Variants in APBB1 observed in about 807,000 individuals in gnomAD.
APBB1 encodes amyloid beta precursor protein binding family B member 1.
APBB1 carries 22 observed loss-of-function variants against 78.4 expected under a neutral mutation model. The observed-to-expected ratio is 0.28, with a 90% CI of 0.20 to 0.40. The LOEUF (loss-of-function observed/expected upper bound fraction) is 0.40. APBB1 is among the 10% of genes least tolerant of loss of function. The pLI is 1.00. For synonymous variants in APBB1, 369 were observed against 372.7 expected, an observed-to-expected ratio of 0.99 and a Z score of 0.12; for missense variants, 749 against 932.4, an observed-to-expected ratio of 0.80 and a Z score of 2.56.
intron 6 of APBB1, 167 bp from the exon 7 acceptor site, chr11:6,402,892 T>A: frequency 1.1e-6 from 1 of 886,952 alleles, no homozygotes; most frequent in Non-Finnish European, 1.7e-6. Context: ...GAGGGAGATG[T>A]CAGATGAGAC....
intron 2 of APBB1, among the ~76,000 whole-genome samples, chr11:6,408,608 G>T (rs1035210200): frequency 6.6e-6 from 1 of 151,496 alleles, no homozygotes; most frequent in Non-Finnish European, 1.5e-5. Flanking sequence ...GGGTTCAAGT[G>T]ATTCTCCTGC....
chr11:6,400,137 G>C (rs1848425722), intron 12 of APBB1, among the ~76,000 whole-genome samples: 1 of 152,088 alleles, frequency 6.6e-6, no homozygotes, highest in African/African-American at 2.4e-5. Context: ...TGTGGCCACT[G>C]TTCTCCCTGT....
Position 6,395,600 on chromosome 11 carries a change from G to T in APBB1, c.2067C>A (p.Val689=), listed in dbSNP as rs2134029851. The T allele has an allele frequency of 6.3e-7, 1 of 1,596,466 alleles. No individual in the cohort carries two copies. The highest frequency in any genetic ancestry group is 2.2e-5 in the East Asian group (1 of 44,582). ...ESVARRVGWT[V]RRGVQSLWGS... is the part of the protein sequence containing the mutation. ...CCCACAGCGACTGAACACCCCTGCG[G>T]ACAGTCCACCCTACACGCCGTGCCA... The change falls in exon 15 of 15, where the codon GTC becomes GTA. Residue 689 remains valine (V), a synonymous_variant. Coordinates refer to ENST00000609360, the MANE Select transcript of APBB1 (RefSeq NM_001164.5). This position sits in a 1 kb window ranked among gnomAD's most constrained non-coding sequence, Gnocchi z 5.2.
At position 6,410,862 on chromosome 11, in the gene APBB1, C is replaced by A. The variant is rs145320037; in HGVS notation, c.486G>T (p.Glu162Asp). Reference sequence around the variant, plus strand: ...CCTCCTCCTCTTCATCATCATCATCCTCCTCCTCCTCCTCGGCCTCCCCGG... The same window carrying A: ...CCTCCTCCTCTTCATCATCATCATCATCCTCCTCCTCCTCGGCCTCCCCGG... ...KAAGEAEEEE[E>D]DDDDEEEEED... Residue 162 changes from glutamate (E) to aspartate (D), a missense_variant, in exon 2 of 15, where the codon GAG (glutamate) becomes GAT (aspartate). Physicochemically the swap from Glu to Asp is conservative, Grantham distance 45. This residue lies in a region of APBB1 where 635 missense variants were observed against 765.0 expected (regional missense o/e 0.83). Transcript: ENST00000609360. The A allele has an allele frequency of 6.0e-6, 9 of 1,509,760 alleles. No homozygotes were observed. Among genetic ancestry groups the A allele is most frequent in the Non-Finnish European group, 8.2e-6 (9 of 1,099,230 alleles). 93.5% of individuals were successfully genotyped at this position (1,509,760 alleles called of 1,614,324 possible). A position where few individuals can be genotyped will look rare whatever the true frequency, so the allele number is the denominator to read the frequency against.
chr11:6,405,532 C>T (rs530570587), intron 2 of APBB1: 14 of 986,118 alleles, frequency 1.4e-5, no homozygotes, highest in African/African-American at 1.7e-5. Flanking sequence ...AAGGGACAGG[C>T]AGTCCCAAGA....
At chr11:6,396,517 A>C in intron 12 of APBB1, 3 of 353,862 alleles carry the variant, frequency 8.5e-6, no homozygotes, top group Non-Finnish European at 1.0e-5. Context: ...ATTTCCCCAA[A>C]TCATGCTCTC....
At chr11:6,413,914 T>C (rs772119073) in intron 1 of APBB1, among the ~76,000 whole-genome samples, 29 of 152,164 alleles carry the variant, frequency 1.9e-4, no homozygotes, top group Middle Eastern at 3.4e-3. Context: ...TCCTGGCCAA[T>C]GAGAAAACTC....
chr11:6,403,737 A>G lies in APBB1; in HGVS notation c.807T>C (p.Tyr269=). ...WMRVQDTSGT[Y]YWHIPTGTTQ... ...TGGTCCCTGTTGGGATGTGCCAGTAATAGGTCCCTGAGGTGTCCTGGACCC... is the reference window on the plus strand; with the variant it reads ...TGGTCCCTGTTGGGATGTGCCAGTAGTAGGTCCCTGAGGTGTCCTGGACCC... Residue 269 remains tyrosine, a synonymous_variant, in exon 3 of 15, where the codon TAT becomes TAC. Coordinates refer to ENST00000609360, the MANE Select transcript of APBB1 (RefSeq NM_001164.5). This position sits in a 1 kb window ranked among gnomAD's most constrained non-coding sequence, Gnocchi z 5.3. 6.2e-7 allele frequency: 1 copy of G among 1,610,168 alleles called. No homozygotes were observed. Among genetic ancestry groups the G allele is most frequent in the East Asian group, 2.2e-5 (1 of 44,748 alleles).
In APBB1 at chr11:6,403,239, G is replaced by T; in HGVS notation, c.1041-31C>A. The T allele has an allele frequency of 6.2e-7, 1 of 1,611,208 alleles. No homozygotes were observed. Among genetic ancestry groups the T allele is most frequent in the Non-Finnish European group, 8.5e-7 (1 of 1,178,540 alleles). Reference sequence around the variant, plus strand: ...GGCAGATGGTAATACTTGGCACAGGGCTCCCATAAATGGAGCTGTCCCAAG... The same window carrying T: ...GGCAGATGGTAATACTTGGCACAGGTCTCCCATAAATGGAGCTGTCCCAAG... On this transcript the variant is annotated intron_variant, in intron 5 of 14. Coordinates refer to ENST00000609360, the MANE Select transcript of APBB1 (RefSeq NM_001164.5). This position sits in a 1 kb window ranked among gnomAD's most constrained non-coding sequence, Gnocchi z 5.3.
In APBB1 at chr11:6,396,158, T is replaced by C. The variant is rs1278537648; in HGVS notation, c.1730A>G (p.Gln577Arg). The C allele has an allele frequency of 1.3e-6, 2 of 1,552,058 alleles. No homozygotes were observed. The highest frequency in any genetic ancestry group is 1.2e-5 in the South Asian group (1 of 84,206). Residue 577 changes from glutamine to arginine, a missense_variant, in exon 13 of 15, where the codon CAA becomes CGA. Physicochemically the swap from Gln to Arg is conservative, Grantham distance 43 (BLOSUM62 1). This residue lies in a region of APBB1 where 635 missense variants were observed against 765.0 expected (regional missense o/e 0.83). Transcript: ENST00000609360. ...ESVLSSSSRE[Q>R]WTPSHVSVAP... is the part of the protein sequence containing the mutation. ...CACACTGACATGACTTGGGGTCCATTGTTCACGGCTGCTGGAGGACAGGAC... is the reference window on the plus strand; with the variant it reads ...CACACTGACATGACTTGGGGTCCATCGTTCACGGCTGCTGGAGGACAGGAC...
At position 6,419,084 on chromosome 11, in the gene APBB1, G is replaced by A. The variant is rs1393362789; in HGVS notation, c.-114C>T. On this transcript the variant is annotated 5_prime_UTR_variant, in exon 1 of 15. Coordinates refer to ENST00000609360, the MANE Select transcript of APBB1 (RefSeq NM_001164.5). ...CCATCACAACATCCCCCGCCCAGGA[G>A]CGCGCGGGCCGCGGGGCCGCGCCCC... 2 of 386,578 alleles carry A rather than the reference G, an allele frequency of 5.2e-6. No individual in the cohort carries two copies. Among genetic ancestry groups the A allele is most frequent in the South Asian group, 1.3e-4 (1 of 7,784 alleles). The allele number at this position is 386,578 out of a possible 1,614,324, so 23.9% of individuals were successfully genotyped here.
At chr11:6,410,604 C>A in intron 2 of APBB1, 23 bp downstream of exon 2, 3 of 1,509,952 alleles carry the variant, frequency 2.0e-6, no homozygotes, top group Non-Finnish European at 2.7e-6. Context: ...TCCCACATGC[C>A]CATGTCAAGC....
intron 2 of APBB1, among the ~76,000 whole-genome samples, chr11:6,409,882 G>C (rs1229566930): frequency 6.6e-6 from 1 of 152,102 alleles, no homozygotes; most frequent in Non-Finnish European, 1.5e-5. Context: ...CCTACCCAAA[G>C]GGTTTTCTTT....
At chr11:6,419,136 G>T, upstream of APBB1, 1 of 359,526 alleles carries the variant, frequency 2.8e-6, no homozygotes, top group East Asian at 4.1e-5. Context: ...CGCAAGGGGA[G>T]GGGGAGGGGC....
At chr11:6,404,583 C>T in intron 2 of APBB1, 1 of 1,535,856 alleles carries the variant, frequency 6.5e-7, no homozygotes, top group Non-Finnish European at 8.7e-7. Context: ...TGCAAGCAAA[C>T]ATGTCATGCA....
intron 2 of APBB1, chr11:6,404,713 C>G: frequency 1.3e-6 from 2 of 1,536,172 alleles, no homozygotes; most frequent in Non-Finnish European, 1.7e-6. Flanking sequence ...AGCCCCACCC[C>G]ACATGAGGCC....
chr11:6,411,615 C>G lies in APBB1; in HGVS notation c.-14-254G>C, dbSNP rs775513025. On this transcript the variant is annotated intron_variant, in intron 1 of 14. Coordinates refer to ENST00000609360, the MANE Select transcript of APBB1 (RefSeq NM_001164.5). The surrounding 1 kb of genome is among the most constrained non-coding windows in gnomAD (Gnocchi z 5.2). ...CTGCCCTGAGCTTTCTGGGATGGCA[C>G]AGCTGGCGCCTGCCCTCGGTCCCAC... is the stretch of plus-strand genomic sequence containing the variant. 6.6e-6 allele frequency among the ~76,000 whole-genome samples: 1 copy of G among 152,086 alleles called. No homozygotes were observed. The highest frequency in any genetic ancestry group is 1.5e-5 in the Non-Finnish European group (1 of 67,988).
chr11:6,401,186 C>T lies in APBB1; in HGVS notation c.1589-114G>A. On this transcript the variant is annotated intron_variant, in intron 11 of 14. Coordinates refer to ENST00000609360, the MANE Select transcript of APBB1 (RefSeq NM_001164.5). This position sits in a 1 kb window ranked among gnomAD's most constrained non-coding sequence, Gnocchi z 4.5. ...GCCGAGGCCCTACTTTCATCTCGTCCCCTGCCTCCCTTTAACCGGAGTCCC... is the reference window on the plus strand; with the variant it reads ...GCCGAGGCCCTACTTTCATCTCGTCTCCTGCCTCCCTTTAACCGGAGTCCC... 2.5e-6 allele frequency: 4 copies of T among 1,611,856 alleles called. No homozygotes were observed. In the South Asian group the frequency reaches 4.4e-5, roughly 18 times the overall value.
intron 1 of APBB1, among the ~76,000 whole-genome samples, chr11:6,414,197 G>A (rs1255930985): frequency 3.9e-5 from 6 of 152,032 alleles, no homozygotes; most frequent in African/African-American, 7.2e-5. Flanking sequence ...GAAACATGTC[G>A]CACACTCTTA....
Sources: gnomAD v4.1 joint callset for allele counts (sites outside exome capture counted in the v4.1 genomes callset) on GRCh38, gnomAD v4.1.1 for gene constraint, gnomAD v4.1.1 regional missense constraint, Gnocchi (gnomAD v3.1) non-coding constraint, MANE v1.5 for transcripts, NCBI Gene and HGNC (gene_info 2026-07-23, HGNC 2026-07-21) for gene names.